The following SHTN1 variants were observed in gnomAD, a reference collection of about 807,000 sequenced individuals.
SHTN1 encodes shootin 1.
A neutral mutation model predicts 83.1 loss-of-function variants in SHTN1; 42 were observed. That is an observed-to-expected ratio of 0.51 (90% CI 0.39 to 0.65). The LOEUF (loss-of-function observed/expected upper bound fraction) is 0.65. Among genes scored for constraint, SHTN1 ranks in the 30% least tolerant of loss-of-function variants. SHTN1 has a pLI of 0.00. For synonymous variants in SHTN1, 224 were observed against 247.7 expected (o/e 0.90, Z 0.90); for missense variants, 622 against 737.8 (o/e 0.84, Z 1.82).
chr10:116,992,119 G>A lies in SHTN1; in HGVS notation c.59-12811C>T, dbSNP rs888982753. 5.3e-5 allele frequency among the ~76,000 whole-genome samples: 8 copies of A among 152,268 alleles called. No homozygotes were observed. The East Asian group carries it at 1.5e-3, about 29-fold the overall frequency. On this transcript the variant is annotated intron_variant, in intron 1 of 16. Transcript: ENST00000355371. The stretch of plus-strand genomic sequence containing the variant: ...ATCATGCCACTGCACTCCAGCCTGG[G>A]TGACAGAGTGAGATGCTGTCTCAAA...
chr10:116,980,076 A>G (rs981566320), intron 1 of SHTN1, among the ~76,000 whole-genome samples: 1 of 152,102 alleles, frequency 6.6e-6, no homozygotes, highest in Non-Finnish European at 1.5e-5. Flanking sequence ...CCCAGAAAAA[A>G]AAAACGAAAC....
chr10:116,996,745 C>T (rs1848749677), intron 1 of SHTN1, among the ~76,000 whole-genome samples: 1 of 152,150 alleles, frequency 6.6e-6, no homozygotes, highest in African/African-American at 2.4e-5. Context: ...TAAAACATGA[C>T]TGTTTACCTA....
intron 9 of SHTN1, among the ~76,000 whole-genome samples, chr10:116,930,596 T>A (rs1167283722): frequency 6.6e-6 from 1 of 152,208 alleles, no homozygotes; most frequent in African/African-American, 2.4e-5. Flanking sequence ...TTCCATGGTG[T>A]AATATGTACC....
chr10:117,094,335 G>A (rs1193519012), intron 1 of SHTN1, among the ~76,000 whole-genome samples: 2 of 152,144 alleles, frequency 1.3e-5, no homozygotes, highest in African/African-American at 4.8e-5. Flanking sequence ...AGCACTGTAG[G>A]AAGATCTTAC....
rs763810517 is a variant in SHTN1, at chr10:116,881,739, C to T, written c.*4605G>A. The stretch of plus-strand genomic sequence containing the variant: ...GACCGGGAGGTCTGAAGTACGGCGC[C>T]GTGTCTCCACATGGAGTTTCCTCTT... On this transcript the variant is annotated 3_prime_UTR_variant, in exon 17 of 17. Transcript: ENST00000355371. The T allele has an allele frequency of 2.3e-5, 28 of 1,197,504 alleles. No homozygotes were observed. The highest frequency in any genetic ancestry group is 4.1e-4 in the Middle Eastern group (2 of 4,904). 74.2% of individuals were successfully genotyped at this position (1,197,504 alleles called of 1,614,324 possible). A position where few individuals can be genotyped will look rare whatever the true frequency, so the allele number is the denominator to read the frequency against.
At chr10:117,117,196 C>G (rs1404084364) in intron 1 of SHTN1, among the ~76,000 whole-genome samples, 1 of 152,080 alleles carries the variant, frequency 6.6e-6, no homozygotes, top group Non-Finnish European at 1.5e-5. Flanking sequence ...GACTGATATA[C>G]AAATTCAATA....
At chr10:116,954,944 C>A (rs1030623779) in intron 4 of SHTN1, among the ~76,000 whole-genome samples, 2 of 152,060 alleles carry the variant, frequency 1.3e-5, no homozygotes, top group African/African-American at 4.8e-5. Context: ...CAGACTCAAG[C>A]CCCAGACTCC....
At chr10:116,934,367 G>A (rs753331723) in intron 9 of SHTN1, among the ~76,000 whole-genome samples, 11 of 152,134 alleles carry the variant, frequency 7.2e-5, no homozygotes, top group Non-Finnish European at 1.5e-4. Context: ...AAGAGGTCCA[G>A]TTTCAGTTTT....
intron 1 of SHTN1, among the ~76,000 whole-genome samples, chr10:117,090,806 GA>G: frequency 8.0e-6 from 1 of 124,676 alleles, no homozygotes. Flanking sequence ...AGGAAGGAAG[GA>G]AGGAAGGAAG....
At chr10:116,979,211 C>CT (rs1286666688) in intron 2 of SHTN1, 45 bp downstream of exon 2, 1 of 1,522,098 alleles carries the variant, frequency 6.6e-7, no homozygotes, top group Non-Finnish European at 9.1e-7. Context: ...GCCGCCTAGG[C>CT]TTTTACACAT....
intron 9 of SHTN1, among the ~76,000 whole-genome samples, chr10:116,938,796 G>A (rs1849261016): frequency 6.6e-6 from 1 of 152,248 alleles, no homozygotes; most frequent in Non-Finnish European, 1.5e-5. Context: ...CTCTGTCCCA[G>A]GGAGATGGGA....
chr10:117,009,675 C>T (rs1329033506), upstream of SHTN1, among the ~76,000 whole-genome samples: 3 of 152,054 alleles, frequency 2.0e-5, no homozygotes, highest in Admixed American at 1.3e-4. Flanking sequence ...GAGGCCGAGA[C>T]GGGCAGATCA....
At chr10:116,906,917 G>A (rs1847991881) in intron 14 of SHTN1, among the ~76,000 whole-genome samples, 170 bp from the exon 15 acceptor site, 1 of 152,202 alleles carries the variant, frequency 6.6e-6, no homozygotes, top group Non-Finnish European at 1.5e-5. Flanking sequence ...CAACAAGACA[G>A]AGTGTTGGAT....
chr10:116,951,045 C>A (rs10787733), intron 6 of SHTN1, among the ~76,000 whole-genome samples: 146,116 of 152,264 alleles, frequency 0.96, 70,405 homozygotes, highest in East Asian at 1. Context: ...AAATTAAATC[C>A]AGAATCAAGA....
intron 1 of SHTN1, among the ~76,000 whole-genome samples, chr10:117,117,962 G>A (rs1305968755): frequency 6.6e-6 from 1 of 152,106 alleles, no homozygotes; most frequent in Admixed American, 6.6e-5. Context: ...TTGGGGAAAT[G>A]CTCCAGGGCA....
chr10:117,077,711 G>C (rs370957507), intron 1 of SHTN1, among the ~76,000 whole-genome samples: 1 of 151,860 alleles, frequency 6.6e-6, no homozygotes, highest in African/African-American at 2.4e-5. Context: ...TCCCACCTAT[G>C]AGTGAGAACA....
At position 116,965,417 on chromosome 10, in the gene SHTN1, T is replaced by C. The variant is rs547884129; in HGVS notation, c.172+3235A>G. 7.4e-4 allele frequency among the ~76,000 whole-genome samples: 112 copies of C among 151,972 alleles called. 2 individuals carry two copies. The South Asian group carries it at 0.022, about 30-fold the overall frequency. On this transcript the variant is annotated intron_variant, in intron 3 of 16. Coordinates refer to ENST00000355371, the MANE Select transcript of SHTN1 (RefSeq NM_001127211.3). ...CTGTAATCCAAGCTACTTGGGAGAG[T>C]GAGGCACAAGAATTGCTTGAATCCA...
chr10:117,062,630 T>C (rs1217859065), intron 1 of SHTN1, among the ~76,000 whole-genome samples: 1 of 152,180 alleles, frequency 6.6e-6, no homozygotes, highest in East Asian at 1.9e-4. Context: ...ATAGGTTTAT[T>C]GTGAAAATTA....
chr10:117,076,210 T>C lies in SHTN1; in HGVS notation c.-188-27700A>G, dbSNP rs555526433. 2.6e-3 allele frequency among the ~76,000 whole-genome samples: 397 copies of C among 150,872 alleles called. 2 individuals carry two copies. The highest frequency in any genetic ancestry group is 9.0e-3 in the African/African-American group (370 of 41,026). On this transcript the variant is annotated intron_variant, in intron 1 of 17. Transcript: ENST00000392901. The stretch of plus-strand genomic sequence containing the variant: ...AAAAAAAAAAAAAAAAAAGATAATG[T>C]TAGATATTATATATGAAAATGGACT...
Sources: gnomAD v4.1 joint callset for allele counts (sites outside exome capture counted in the v4.1 genomes callset) on GRCh38, gnomAD v4.1.1 for gene constraint, MANE v1.5 for transcripts, NCBI Gene and HGNC (gene_info 2026-07-23, HGNC 2026-07-21) for gene names.